The following ZNF318 variants were observed in gnomAD, a reference collection of about 807,000 sequenced individuals.
The protein encoded by ZNF318 is zinc finger protein 318, also known as endocrine regulator.
In ZNF318, 51 loss-of-function variants were observed where a neutral mutation model predicts 124.2. That is an observed-to-expected ratio of 0.41 (90% confidence interval 0.33 to 0.52). The LOEUF (loss-of-function observed/expected upper bound fraction) is 0.52. Among genes scored for constraint, ZNF318 ranks in the 20% least tolerant of loss-of-function variants. The pLI is 0.23. For synonymous variants in ZNF318, 1,090 were observed against 1,040.7 expected (o/e 1.05, Z -0.91); for missense variants, 2,815 against 2,811.2 (o/e 1.00, Z -0.03).
rs1263070493 is a variant in ZNF318 at position 43,368,956 on chromosome 6, G to A, written c.399+11C>T. ...GGGATGGAGGGAGTCCTGGACGAGG[G>A]GTGGGATTACCCGGCTGCCGCTGTC... On this transcript the variant is annotated intron_variant, in intron 1 of 9. Transcript: ENST00000361428. 6.5e-6 allele frequency: 9 copies of A among 1,392,386 alleles called. No individual in the cohort carries two copies. Among genetic ancestry groups the A allele is most frequent in the Admixed American group, 3.0e-5 (1 of 33,236 alleles). The allele number at this position is 1,392,386 out of a possible 1,614,324, so 86.3% of individuals were successfully genotyped here.
intron 6 of ZNF318, among the ~76,000 whole-genome samples, 168 bp downstream of exon 6, chr6:43,348,156 A>C (rs1413540823): frequency 6.6e-6 from 1 of 152,192 alleles, no homozygotes; most frequent in Non-Finnish European, 1.5e-5. Context: ...GGCAACAAGG[A>C]ACTATGCTGA....
intron 1 of ZNF318, among the ~76,000 whole-genome samples, chr6:43,366,402 C>T (rs1399818671): frequency 1.3e-5 from 2 of 152,210 alleles, no homozygotes; most frequent in African/African-American, 2.4e-5. Context: ...CATCTGACTA[C>T]ATTTTTCCTC....
At chr6:43,345,674 G>A (rs1221701108) in intron 6 of ZNF318, among the ~76,000 whole-genome samples, 2 of 152,124 alleles carry the variant, frequency 1.3e-5, no homozygotes, top group Non-Finnish European at 2.9e-5. Flanking sequence ...ACTCTCCTAG[G>A]AAGACATGGA....
chr6:43,356,204 G>A, intron 3 of ZNF318, 59 bp from the exon 4 acceptor site: 1 of 1,513,778 alleles, frequency 6.6e-7, no homozygotes, highest in Non-Finnish European at 8.9e-7. Context: ...ATTAGTAATT[G>A]AGATAAATAC....
Position 43,369,017 on chromosome 6 carries a change from C to G in ZNF318, c.349G>C (p.Asp117His), listed in dbSNP as rs1779798252. 1.4e-6 allele frequency: 2 copies of G among 1,434,374 alleles called. No individual in the cohort carries two copies. The highest frequency in any genetic ancestry group is 1.8e-6 in the Non-Finnish European group (2 of 1,092,074). 88.9% of individuals were successfully genotyped at this position (1,434,374 alleles called of 1,614,324 possible). The change falls in exon 1 of 10, where the codon GAC (aspartate) becomes CAC (histidine). Residue 117 changes from aspartate to histidine, a missense_variant. Around this residue, in one of 4 missense-constraint regions of ZNF318, gnomAD observed 1,377 missense variants for 1,353.5 expected, o/e 1.02. Transcript: ENST00000361428. ...TCTCCGCGGCCGTCCCGGGCATAGT[C>G]GGCGCGGGACTCCCCCCGGCTGCTG... ...RGSSRGESRA[D>H]YARDGRGDHP...
chr6:43,346,524 CA>C (rs59587962), intron 6 of ZNF318, among the ~76,000 whole-genome samples: 44,844 of 104,176 alleles, frequency 0.43, 8,750 homozygotes, highest in East Asian at 0.58. Context: ...CATCTTTAAC[CA>C]AAAAAAAAAA....
At position 43,337,582 on chromosome 6, in the gene ZNF318, A is replaced by C; in HGVS notation, c.6416T>G (p.Val2139Gly). ...TTTGTCTAATTGGGAAGATTCTTTT[A>C]CTTCCTCAGGCATCATTCCTCCTGC... ...LLAGGMMPEE[V>G]KESSQLDKQE... The change falls in exon 10 of 10, where the codon GTA becomes GGA. Residue 2139 changes from valine (V) to glycine (G), a missense_variant. Physicochemically the swap from Val to Gly is moderately radical, Grantham distance 109. Coordinates refer to ENST00000361428, the MANE Select transcript of ZNF318 (RefSeq NM_014345.3). The C allele has an allele frequency of 6.2e-7, 1 of 1,614,022 alleles. No individual in the cohort carries two copies.
Position 43,369,381 on chromosome 6 carries a change from G to T in ZNF318, c.-16C>A. The T allele has an allele frequency of 8.1e-7, 1 of 1,241,846 alleles. No homozygotes were observed. The allele number at this position is 1,241,846 out of a possible 1,614,324, so 76.9% of individuals were successfully genotyped here. ...TGCGGTACATGGTTCTTGCAGCGGC[G>T]GCCACGGCGACAGCTCTGACCCGGG... On this transcript the variant is annotated 5_prime_UTR_variant, in exon 1 of 10. Transcript: ENST00000361428.
intron 6 of ZNF318, among the ~76,000 whole-genome samples, chr6:43,347,411 C>T (rs781727098): frequency 2.6e-5 from 4 of 152,108 alleles, no homozygotes; most frequent in East Asian, 3.8e-4. Flanking sequence ...TGCATGGAAT[C>T]GAGATTTACT....
At position 43,338,200 on chromosome 6, in the gene ZNF318, G is replaced by C; in HGVS notation, c.5798C>G (p.Ser1933Cys). The C allele has an allele frequency of 6.2e-7, 1 of 1,614,110 alleles. No homozygotes were observed. Among genetic ancestry groups the C allele is most frequent in the Non-Finnish European group, 8.5e-7 (1 of 1,180,032 alleles). Residue 1933 changes from serine to cysteine, a missense_variant, in exon 10 of 10, where the codon TCT becomes TGT. Around this residue, in one of 4 missense-constraint regions of ZNF318, gnomAD observed 927 missense variants for 820.6 expected, o/e 1.13. Coordinates refer to ENST00000361428, the MANE Select transcript of ZNF318 (RefSeq NM_014345.3). ...NSAPESASRTSRYRSLKLKRE... is the reference protein window; with the variant it reads ...NSAPESASRTCRYRSLKLKRE... ...CTTGAGTTTGAGACTTCTGTACCTA[G>C]AAGTTCTAGAAGCTGATTCTGGAGC...
Position 43,355,753 on chromosome 6 carries a change from G to A in ZNF318, c.1581C>T (p.Ser527=), listed in dbSNP as rs1779599315. ...TCTCCTCATCTTCAATGTCGGGAAAGCTACGTCGCCTTTTTTCCTGTGTAC... is the reference window on the plus strand; with the variant it reads ...TCTCCTCATCTTCAATGTCGGGAAAACTACGTCGCCTTTTTTCCTGTGTAC... ...STSTQEKRRR[S]FPDIEDEEKF... The change falls in exon 4 of 10, where the codon AGC becomes AGT. Residue 527 remains serine (S), a synonymous_variant. Coordinates refer to ENST00000361428, the MANE Select transcript of ZNF318 (RefSeq NM_014345.3). 6.2e-7 allele frequency: 1 copy of A among 1,614,198 alleles called. No homozygotes were observed. The highest frequency in any genetic ancestry group is 8.5e-7 in the Non-Finnish European group (1 of 1,180,036).
intron 6 of ZNF318, among the ~76,000 whole-genome samples, chr6:43,343,633 G>C (rs1779401834): frequency 6.6e-6 from 1 of 151,760 alleles, no homozygotes; most frequent in Non-Finnish European, 1.5e-5. Context: ...GTTCGAGACA[G>C]GCCTGGCCAA....
chr6:43,348,669 G>A (rs1226914342), intron 5 of ZNF318, 44 bp from the exon 6 acceptor site: 13 of 1,587,738 alleles, frequency 8.2e-6, no homozygotes, highest in African/African-American at 1.4e-5. Context: ...GGGAAAATAA[G>A]ACGAGTCATT....
Position 43,338,333 on chromosome 6 carries a change from C to T in ZNF318, c.5665G>A (p.Ala1889Thr). Residue 1889 changes from alanine (A) to threonine (T), a missense_variant, in exon 10 of 10, where the codon GCC (alanine) becomes ACC (threonine). Ala to Thr is a moderately conservative substitution (Grantham distance 58). Coordinates refer to ENST00000361428, the MANE Select transcript of ZNF318 (RefSeq NM_014345.3). The part of the protein sequence containing the change: ...NPQDTPVKIS[A>T]PELLLHSPAR... The stretch of plus-strand genomic sequence containing the variant: ...GGGGAATGAAGCAGCAACTCTGGGG[C>T]AGAAATTTTCACAGGTGTATCTTGT... 6.2e-7 allele frequency: 1 copy of T among 1,614,146 alleles called. No homozygotes were observed. The highest frequency in any genetic ancestry group is 8.5e-7 in the Non-Finnish European group (1 of 1,180,024).
Position 43,369,302 on chromosome 6 carries a change from C to G in ZNF318, c.64G>C (p.Gly22Arg). The change falls in exon 1 of 10, where the codon GGC becomes CGC. Residue 22 changes from glycine to arginine, a missense_variant. By Grantham distance (125) the Gly-to-Arg change is moderately radical (BLOSUM62 -2). Around this residue, in one of 4 missense-constraint regions of ZNF318, gnomAD observed 1,377 missense variants for 1,353.5 expected, o/e 1.02. Coordinates refer to ENST00000361428, the MANE Select transcript of ZNF318 (RefSeq NM_014345.3). ...CCAGAGCTGCGGCCGCTGCGCGGGCCGCCCCCGCCGTCGTCTTTAGGCCGG... is the reference window on the plus strand; with the variant it reads ...CCAGAGCTGCGGCCGCTGCGCGGGCGGCCCCCGCCGTCGTCTTTAGGCCGG... ...SHRPKDDGGG[G>R]PRSGRSSGSS... 6.0e-6 allele frequency: 8 copies of G among 1,342,674 alleles called. No individual in the cohort carries two copies. The highest frequency in any genetic ancestry group is 7.7e-6 in the Non-Finnish European group (8 of 1,040,114). 83.2% of individuals were successfully genotyped at this position (1,342,674 alleles called of 1,614,324 possible). A position where few individuals can be genotyped will look rare whatever the true frequency, so the allele number is the denominator to read the frequency against.
In ZNF318 at chr6:43,369,299, G is replaced by A. The variant is rs1779805622; in HGVS notation, c.67C>T (p.Pro23Ser). Reference sequence around the variant, plus strand: ...GAGCCAGAGCTGCGGCCGCTGCGCGGGCCGCCCCCGCCGTCGTCTTTAGGC... The same window carrying A: ...GAGCCAGAGCTGCGGCCGCTGCGCGAGCCGCCCCCGCCGTCGTCTTTAGGC... ...HRPKDDGGGG[P>S]RSGRSSGSSS... The change falls in exon 1 of 10, where the codon CCG becomes TCG. Residue 23 changes from proline to serine, a missense_variant. Physicochemically the swap from Pro to Ser is moderately conservative, Grantham distance 74 (BLOSUM62 -1). This residue lies in a region of ZNF318 where 1,377 missense variants were observed against 1,353.5 expected (regional missense o/e 1.02). Transcript: ENST00000361428. The A allele has an allele frequency of 2.4e-5, 32 of 1,342,266 alleles. No homozygotes were observed. The highest frequency in any genetic ancestry group is 3.2e-5 in the South Asian group (2 of 63,140). The allele number at this position is 1,342,266 out of a possible 1,614,324, so 83.1% of individuals were successfully genotyped here. A position where few individuals can be genotyped will look rare whatever the true frequency, so the allele number is the denominator to read the frequency against.
chr6:43,368,771 G>A (rs961874639), intron 1 of ZNF318, 196 bp downstream of exon 1: 10 of 985,320 alleles, frequency 1.0e-5, no homozygotes, highest in Middle Eastern at 5.2e-4. Context: ...CGAGACGCCC[G>A]TGCGCTCCCG....
chr6:43,368,308 G>A (rs1162682004), intron 1 of ZNF318, among the ~76,000 whole-genome samples: 1 of 152,206 alleles, frequency 6.6e-6, no homozygotes, highest in African/African-American at 2.4e-5. Flanking sequence ...TTCCTCGGCT[G>A]TACAACAAGG....
rs761839433 is a variant in ZNF318 at position 43,338,899 on chromosome 6, G to A, written c.5099C>T (p.Thr1700Ile). The A allele has an allele frequency of 6.2e-6, 10 of 1,614,062 alleles. No homozygotes were observed. The highest frequency in any genetic ancestry group is 8.5e-6 in the Non-Finnish European group (10 of 1,180,028). Residue 1700 changes from threonine to isoleucine, a missense_variant, in exon 10 of 10, where the codon ACC (threonine) becomes ATC (isoleucine). Around this residue, in one of 4 missense-constraint regions of ZNF318, gnomAD observed 927 missense variants for 820.6 expected, o/e 1.13. Coordinates refer to ENST00000361428, the MANE Select transcript of ZNF318 (RefSeq NM_014345.3). ...TPKTDTLAIW[T>I]SSSFQSDTSR... ...AGTGTCACTCTGGAAGGAACTAGAGGTCCATATGGCCAAAGTGTCTGTCTT... is the reference window on the plus strand; with the variant it reads ...AGTGTCACTCTGGAAGGAACTAGAGATCCATATGGCCAAAGTGTCTGTCTT...
Sources: gnomAD v4.1 joint callset for allele counts (sites outside exome capture counted in the v4.1 genomes callset) on GRCh38, gnomAD v4.1.1 for gene constraint, gnomAD v4.1.1 regional missense constraint, MANE v1.5 for transcripts, NCBI Gene and HGNC (gene_info 2026-07-23, HGNC 2026-07-21) for gene names.